Variants in VEZT observed in about 807,000 individuals in gnomAD.
The protein encoded by VEZT is vezatin, adherens junctions transmembrane protein, also known as vezatin.
Under a neutral mutation model 79.9 loss-of-function variants are expected in VEZT, and 39 were observed. That is an observed-to-expected ratio of 0.49 (90% CI 0.38 to 0.64). The LOEUF is 0.64. Ranked by LOEUF, VEZT falls within the 30% of genes least tolerant of loss-of-function variation. The pLI, the probability that VEZT is intolerant of heterozygous loss-of-function variation, is 0.00. For synonymous variants in VEZT, 325 were observed against 327.6 expected (o/e 0.99, Z 0.09); for missense variants, 837 against 893.1 (o/e 0.94, Z 0.80).
At chr12:95,235,645 T>C (rs9706469) in intron 1 of VEZT, among the ~76,000 whole-genome samples, 110,207 of 129,562 alleles carry the variant, frequency 0.85, 47,064 homozygotes, top group African/African-American at 0.95. Flanking sequence ...ACCTCCCGGA[T>C]GGGGCGGCTG....
Position 95,266,507 on chromosome 12 carries a change from G to A in VEZT, c.585G>A (p.Val195=). ...TATGGAGGACAGCCAAACTACAAGT[G>A]ACCCTAAAAAAATACAGCGTTCATT... ...LRLWRTAKLQ[V]TLKKYSVHLE... The change falls in exon 5 of 12, where the codon GTG becomes GTA. Residue 195 remains valine (V), a synonymous_variant. Transcript: ENST00000436874. The A allele has an allele frequency of 1.2e-6, 2 of 1,613,824 alleles. No homozygotes were observed. The highest frequency in any genetic ancestry group is 1.7e-5 in the Admixed American group (1 of 60,002).
At chr12:95,279,292 G>A (rs1304704014) in intron 7 of VEZT, among the ~76,000 whole-genome samples, 1 of 152,008 alleles carries the variant, frequency 6.6e-6, no homozygotes, top group Non-Finnish European at 1.5e-5. Flanking sequence ...GGAGCATTTG[G>A]GATTTCATTT....
intron 6 of VEZT, among the ~76,000 whole-genome samples, chr12:95,271,453 G>A (rs1386321409): frequency 6.6e-6 from 1 of 152,124 alleles, no homozygotes; most frequent in East Asian, 1.9e-4. Context: ...CAACATACTT[G>A]GTTTATGGAG....
chr12:95,280,633 C>A (rs549623831), intron 7 of VEZT, among the ~76,000 whole-genome samples: 1 of 152,042 alleles, frequency 6.6e-6, no homozygotes, highest in South Asian at 2.1e-4. Flanking sequence ...ATCATTACTG[C>A]AAAAGGGAAA....
chr12:95,240,023 AG>A (rs2060756505), intron 1 of VEZT, among the ~76,000 whole-genome samples: 3 of 23,094 alleles, frequency 1.3e-4, no homozygotes, highest in South Asian at 1.1e-3. Flanking sequence ...AGAGAAAGAA[AG>A]GAAGGAAGGA....
chr12:95,258,300 A>G (rs911549659), intron 3 of VEZT: 5 of 455,540 alleles, frequency 1.1e-5, no homozygotes, highest in African/African-American at 6.0e-5. Context: ...ATATGGATCC[A>G]TATACATTTT....
intron 9 of VEZT, 149 bp downstream of exon 9, chr12:95,288,006 A>G (rs1453584471): frequency 1.8e-6 from 1 of 544,780 alleles, no homozygotes. Context: ...ATTTATATGT[A>G]CAAAGTGACA....
intron 11 of VEZT, chr12:95,296,727 G>A (rs960933914): frequency 6.5e-6 from 1 of 152,940 alleles, no homozygotes; most frequent in Non-Finnish European, 1.5e-5. Context: ...ATCATTTGAG[G>A]TCAGGAGTTC....
intron 1 of VEZT, among the ~76,000 whole-genome samples, chr12:95,231,941 A>T (rs1436920445): frequency 6.6e-6 from 1 of 152,178 alleles, no homozygotes; most frequent in African/African-American, 2.4e-5. Flanking sequence ...TTTTAAGTAG[A>T]TTCCTCATTA....
At chr12:95,223,694 A>G (rs1179211868) in intron 1 of VEZT, among the ~76,000 whole-genome samples, 1 of 152,074 alleles carries the variant, frequency 6.6e-6, no homozygotes, top group African/African-American at 2.4e-5. Context: ...CGGGTGATCC[A>G]CCCACCTCGG....
At chr12:95,299,107 A>T (rs2139966829) in intron 11 of VEZT, 1 of 154,930 alleles carries the variant, frequency 6.5e-6, no homozygotes, top group Non-Finnish European at 1.5e-5. Context: ...TAAAGTCCGC[A>T]TGGAATTAGA....
rs1278204917 is a variant in VEZT, at chr12:95,301,589, T to C, written c.*916T>C. On this transcript the variant is annotated 3_prime_UTR_variant, in exon 12 of 12. Transcript: ENST00000436874. ...TAGTATTTCATTTACAAACTACCTC[T>C]TAACAGAGACTGCTTTTCAAATTGG... The C allele has an allele frequency of 6.6e-6, 1 of 152,194 alleles. No homozygotes were observed. The highest frequency in any genetic ancestry group is 1.5e-5 in the Non-Finnish European group (1 of 68,030). The allele number at this position is 152,194 out of a possible 1,614,324, so 9.4% of individuals were successfully genotyped here.
intron 2 of VEZT, among the ~76,000 whole-genome samples, chr12:95,256,810 C>T (rs2063548018): frequency 6.6e-6 from 1 of 152,190 alleles, no homozygotes; most frequent in African/African-American, 2.4e-5. Context: ...TGACATAGTA[C>T]ATAGTCTCCC....
chr12:95,285,168 G>A (rs1439160878), intron 8 of VEZT, among the ~76,000 whole-genome samples: 1 of 151,750 alleles, frequency 6.6e-6, no homozygotes, highest in Non-Finnish European at 1.5e-5. Flanking sequence ...TTCCGGCCAG[G>A]CGCAATGGCT....
intron 1 of VEZT, among the ~76,000 whole-genome samples, chr12:95,220,360 TG>T (rs2057381518): frequency 6.6e-6 from 1 of 152,014 alleles, no homozygotes; most frequent in South Asian, 2.1e-4. Flanking sequence ...GAGGCTGAGG[TG>T]GGAGAATCAC....
chr12:95,268,447 G>A (rs955052898), intron 5 of VEZT, among the ~76,000 whole-genome samples: 1 of 152,114 alleles, frequency 6.6e-6, no homozygotes, highest in Non-Finnish European at 1.5e-5. Context: ...GCAGTGAGCC[G>A]AGATCGCGCT....
chr12:95,287,460 C>G (rs2071262933), intron 8 of VEZT, among the ~76,000 whole-genome samples: 1 of 152,100 alleles, frequency 6.6e-6, no homozygotes, highest in African/African-American at 2.4e-5. Context: ...TGCTACCATG[C>G]TCGGCTAATT....
chr12:95,277,903 C>G (rs1349154860), intron 7 of VEZT, among the ~76,000 whole-genome samples: 1 of 152,180 alleles, frequency 6.6e-6, no homozygotes, highest in Non-Finnish European at 1.5e-5. Flanking sequence ...TTTTTGTTAA[C>G]TCATCAAGAT....
chr12:95,289,417 C>CAAAAAA (rs146728004), intron 9 of VEZT, among the ~76,000 whole-genome samples: 62 of 69,432 alleles, frequency 8.9e-4, no homozygotes, highest in African/African-American at 1.1e-3. Flanking sequence ...ACTCTTGTCT[C>CAAAAAA]AAAAAAAAAA....
Sources: allele counts gnomAD v4.1 joint callset (sites outside exome capture counted in the v4.1 genomes callset), GRCh38; gene constraint gnomAD v4.1.1; transcripts MANE v1.5; gene names NCBI Gene and HGNC (gene_info 2026-07-23, HGNC 2026-07-21).